Variants in CHN2 observed in about 807,000 individuals in gnomAD.
The protein encoded by CHN2 is chimerin 2.
CHN2 carries 35 observed loss-of-function variants against 56.3 expected under a neutral mutation model. That is an observed-to-expected ratio of 0.62 (90% confidence interval 0.47 to 0.82). CHN2 has a LOEUF of 0.82. CHN2 is among the 40% of genes least tolerant of loss of function. The probability of loss-of-function intolerance (pLI) is 0.00; values close to 1 mark genes in which losing one functional copy is unlikely to be tolerated. For synonymous variants in CHN2, 210 were observed against 212.8 expected, an observed-to-expected ratio of 0.99 and a Z score of 0.12; for missense variants, 491 against 580.5, an observed-to-expected ratio of 0.85 and a Z score of 1.58.
chr7:29,283,372 G>A lies in CHN2; in HGVS notation c.50-71253G>A, dbSNP rs374275014. On this transcript the variant is annotated intron_variant, in intron 1 of 12. Transcript: ENST00000222792. ...GATTCGCAGAATTCTAAGATGGTCTGCCCCCAAGTTTCCCCTCGGTTGGTA... is the reference window on the plus strand; with the variant it reads ...GATTCGCAGAATTCTAAGATGGTCTACCCCCAAGTTTCCCCTCGGTTGGTA... Among the ~76,000 whole-genome samples, 24 of 152,236 alleles carry A rather than the reference G, an allele frequency of 1.6e-4. No homozygotes were observed. The South Asian group carries it at 5.0e-3, about 32-fold the overall frequency.
chr7:29,203,472 A>G (rs1480080695), intron 1 of CHN2, among the ~76,000 whole-genome samples: 76 of 150,626 alleles, frequency 5.0e-4, no homozygotes, highest in Middle Eastern at 3.4e-3. Context: ...CGTCTCAAAA[A>G]AAAAAAAAAA....
chr7:29,263,642 C>T (rs1789780322), intron 1 of CHN2, among the ~76,000 whole-genome samples: 1 of 151,012 alleles, frequency 6.6e-6, no homozygotes, highest in African/African-American at 2.4e-5. Context: ...GCCCGGCCGC[C>T]CAGTATGGGA....
chr7:29,337,819 C>A (rs1796741259), intron 1 of CHN2, among the ~76,000 whole-genome samples: 1 of 152,176 alleles, frequency 6.6e-6, no homozygotes, highest in Non-Finnish European at 1.5e-5. Flanking sequence ...CTGTTTGTTG[C>A]TCTGTGGTGT....
chr7:29,304,738 C>T (rs3812335), intron 1 of CHN2, among the ~76,000 whole-genome samples: 53,842 of 152,024 alleles, frequency 0.35, 9,689 homozygotes, highest in East Asian at 0.49. Context: ...TTCTAAATCT[C>T]GCCCTCTCCA....
intron 6 of CHN2, among the ~76,000 whole-genome samples, chr7:29,416,667 G>A (rs753744047): frequency 2.6e-5 from 4 of 152,166 alleles, no homozygotes; most frequent in East Asian, 1.9e-4. Flanking sequence ...CCGCTGGCCC[G>A]GGCAGTAGAG....
intron 1 of CHN2, among the ~76,000 whole-genome samples, chr7:29,203,391 C>A (rs371231205): frequency 7.1e-6 from 1 of 139,882 alleles, no homozygotes; most frequent in Non-Finnish European, 1.5e-5. Flanking sequence ...CGCTTGAATC[C>A]GGGAGAAAGA....
At chr7:29,277,103 G>A (rs1252815574) in intron 1 of CHN2, among the ~76,000 whole-genome samples, 1 of 152,184 alleles carries the variant, frequency 6.6e-6, no homozygotes, top group African/African-American at 2.4e-5. Context: ...ACACCAGACA[G>A]GAGAGAGGTC....
Position 29,296,281 on chromosome 7 carries a change from C to T in CHN2, c.50-58344C>T, listed in dbSNP as rs183445814. On this transcript the variant is annotated intron_variant, in intron 1 of 12. Transcript: ENST00000222792. ...TGTATTTTTAGTAGAGATGGGGTTT[C>T]GCCATGTTGACCAGGCTGGTCTCGA... 5.9e-4 allele frequency among the ~76,000 whole-genome samples: 89 copies of T among 152,054 alleles called. 1 individual carries two copies. The highest frequency in any genetic ancestry group is 7.9e-4 in the Non-Finnish European group (54 of 67,982).
chr7:29,338,982 T>C (rs1473622829), intron 1 of CHN2, among the ~76,000 whole-genome samples: 2 of 152,220 alleles, frequency 1.3e-5, no homozygotes, highest in Non-Finnish European at 2.9e-5. Flanking sequence ...CTGTCAAAAT[T>C]ATCTTTCACA....
At chr7:29,172,454 C>T (rs1045195517) in intron 2 of CHN2, among the ~76,000 whole-genome samples, 3 of 152,084 alleles carry the variant, frequency 2.0e-5, no homozygotes, top group African/African-American at 4.8e-5. Flanking sequence ...ATATTGCCAC[C>T]CATTTATCAT....
intron 12 of CHN2, among the ~76,000 whole-genome samples, chr7:29,511,325 A>C (rs1177584337): frequency 6.6e-6 from 1 of 152,214 alleles, no homozygotes; most frequent in Non-Finnish European, 1.5e-5. Flanking sequence ...TTTAGATAAT[A>C]AACTATGGGT....
rs182568030 is a variant in CHN2 at position 29,176,772 on chromosome 7, G to A, written c.274+29812G>A. Among the ~76,000 whole-genome samples, 29 of 152,236 alleles carry A rather than the reference G, an allele frequency of 1.9e-4. No individual in the cohort carries two copies. The East Asian group carries it at 4.0e-3, about 21-fold the overall frequency. ...GGCTAACTTCTGGTGTTTAAAAAAC[G>A]AGATTGAGCTGAAATACTAGAAGGA... On this transcript the variant is annotated intron_variant, in intron 2 of 6. Coordinates refer to the CHN2 transcript ENST00000439384.
At chr7:29,309,593 G>A (rs1276609741) in intron 1 of CHN2, among the ~76,000 whole-genome samples, 1 of 152,210 alleles carries the variant, frequency 6.6e-6, no homozygotes, top group Non-Finnish European at 1.5e-5. Flanking sequence ...GTGGCATGTG[G>A]CAGTCTGAGA....
In CHN2 at chr7:29,442,078, C is replaced by G. The variant is rs372619243; in HGVS notation, c.577-38201C>G. 2.6e-5 allele frequency among the ~76,000 whole-genome samples: 4 copies of G among 152,250 alleles called. No homozygotes were observed. In the South Asian group the frequency reaches 6.2e-4, roughly 24 times the overall value. Reference sequence around the variant, plus strand: ...ATAAACAAACGGTGGTATATACGTACAGTTGAATATTATTTGGCTGTAAAA... The same window carrying G: ...ATAAACAAACGGTGGTATATACGTAGAGTTGAATATTATTTGGCTGTAAAA... On this transcript the variant is annotated intron_variant, in intron 6 of 12. Transcript: ENST00000222792.
At chr7:29,374,845 CT>C (rs1402275648) in intron 3 of CHN2, among the ~76,000 whole-genome samples, 54 of 149,328 alleles carry the variant, frequency 3.6e-4, no homozygotes, top group African/African-American at 1.1e-3. Context: ...TCCTTCCTTC[CT>C]TCCTGCCTCC....
intron 11 of CHN2, 32 bp downstream of exon 11, chr7:29,507,397 C>T: frequency 6.5e-7 from 1 of 1,542,414 alleles, no homozygotes; most frequent in South Asian, 1.2e-5. Flanking sequence ...TTTATTTCTA[C>T]CAAATTTTTA....
intron 2 of CHN2, among the ~76,000 whole-genome samples, chr7:29,158,813 A>G (rs530198326): frequency 2.6e-5 from 4 of 152,326 alleles, no homozygotes; most frequent in Admixed American, 1.3e-4. Flanking sequence ...TTAAATATTT[A>G]CAGATGCTTA....
chr7:29,446,388 A>G (rs1211372140), intron 6 of CHN2, among the ~76,000 whole-genome samples: 1 of 152,220 alleles, frequency 6.6e-6, no homozygotes, highest in Non-Finnish European at 1.5e-5. Context: ...GGTCCCTACT[A>G]TATGCCTTAG....
intron 1 of CHN2, among the ~76,000 whole-genome samples, chr7:29,230,853 C>T (rs1786635636): frequency 6.6e-6 from 1 of 151,906 alleles, no homozygotes; most frequent in African/African-American, 2.4e-5. Flanking sequence ...AGTGACAATT[C>T]TTTATTTACT....
Sources: allele counts gnomAD v4.1 joint callset (sites outside exome capture counted in the v4.1 genomes callset), GRCh38; gene constraint gnomAD v4.1.1; transcripts MANE v1.5; gene names NCBI Gene and HGNC (gene_info 2026-07-23, HGNC 2026-07-21).